Variants in TMEM163 observed in about 807,000 individuals in gnomAD.
TMEM163 encodes the protein transmembrane protein 163.
A neutral mutation model predicts 29.3 loss-of-function variants in TMEM163; 17 were observed. The ratio of observed to expected loss-of-function variants is 0.58; its 90% CI spans 0.40 to 0.87. TMEM163 has a LOEUF of 0.87. Ranked by LOEUF, TMEM163 falls within the 40% of genes least tolerant of loss-of-function variation. The pLI is 0.00. For synonymous variants in TMEM163, 157 were observed against 160.6 expected, an observed-to-expected ratio of 0.98 and a Z score of 0.17; for missense variants, 303 against 381.5, an observed-to-expected ratio of 0.79 and a Z score of 1.71.
chr2:134,700,036 A>G (rs1684663918), intron 2 of TMEM163, among the ~76,000 whole-genome samples: 1 of 151,060 alleles, frequency 6.6e-6, no homozygotes, highest in South Asian at 2.1e-4. Flanking sequence ...ATACAGCTTG[A>G]TTTTTTTTTA....
intron 4 of TMEM163, among the ~76,000 whole-genome samples, chr2:134,515,273 G>A (rs1021572115): frequency 3.9e-5 from 6 of 152,182 alleles, no homozygotes; most frequent in Non-Finnish European, 7.4e-5. Flanking sequence ...GAAGCCCCCC[G>A]TGGTCTCTGA....
At chr2:134,521,265 G>A (rs1263181274) in intron 4 of TMEM163, among the ~76,000 whole-genome samples, 2 of 152,130 alleles carry the variant, frequency 1.3e-5, no homozygotes, top group Non-Finnish European at 2.9e-5. Flanking sequence ...CCAAAGTGCT[G>A]CGATTACAGG....
chr2:134,473,762 T>C (rs770047985), intron 5 of TMEM163, among the ~76,000 whole-genome samples: 2 of 152,124 alleles, frequency 1.3e-5, no homozygotes, highest in Non-Finnish European at 2.9e-5. Context: ...TATAACCAAC[T>C]TGATGCCAAT....
chr2:134,550,476 C>T, intron 4 of TMEM163, 94 bp downstream of exon 4: 1 of 1,228,220 alleles, frequency 8.1e-7, no homozygotes. Context: ...ATCACTGGGA[C>T]AAAAGCTGCA....
intron 2 of TMEM163, among the ~76,000 whole-genome samples, chr2:134,622,908 G>A (rs899949002): frequency 2.6e-5 from 4 of 151,944 alleles, no homozygotes; most frequent in East Asian, 1.9e-4. Context: ...GATTACAGGC[G>A]TCCGCCACCA....
intron 2 of TMEM163, among the ~76,000 whole-genome samples, chr2:134,641,278 T>TAGTC (rs1683214129): frequency 6.6e-6 from 1 of 152,200 alleles, no homozygotes; most frequent in South Asian, 2.1e-4. Context: ...AATAACTGAA[T>TAGTC]AGTCGACTGT....
chr2:134,512,867 C>T (rs1417639047), intron 4 of TMEM163, among the ~76,000 whole-genome samples: 1 of 152,186 alleles, frequency 6.6e-6, no homozygotes, highest in Non-Finnish European at 1.5e-5. Context: ...TCACCAAGGG[C>T]AGAAACAGGG....
rs766288966 is a variant in TMEM163 at position 134,573,968 on chromosome 2, C to A, written c.323-21877G>T. On this transcript the variant is annotated intron_variant, in intron 2 of 7. Coordinates refer to ENST00000281924, the MANE Select transcript of TMEM163 (RefSeq NM_030923.5). ...GAACACAGCTTGCCCAGACAGCCATCAGCTATTATGTGGCCTGTGTTCCAG... is the reference window on the plus strand; with the variant it reads ...GAACACAGCTTGCCCAGACAGCCATAAGCTATTATGTGGCCTGTGTTCCAG... Among the ~76,000 whole-genome samples, 101 of 152,194 alleles carry A rather than the reference C, an allele frequency of 6.6e-4. 2 individuals are homozygous for A. The highest frequency in any genetic ancestry group is 1.6e-4 in the Non-Finnish European group (11 of 68,046).
intron 4 of TMEM163, among the ~76,000 whole-genome samples, chr2:134,522,203 G>T (rs1680204349): frequency 6.6e-6 from 1 of 152,162 alleles, no homozygotes; most frequent in African/African-American, 2.4e-5. Context: ...CAGTCACTGT[G>T]ACAGCCTTTG....
chr2:134,684,510 C>CA (rs1295359702), intron 2 of TMEM163, among the ~76,000 whole-genome samples: 1 of 152,160 alleles, frequency 6.6e-6, no homozygotes, highest in East Asian at 1.9e-4. Flanking sequence ...ACCCCATGAG[C>CA]AAGGGGCACC....
At chr2:134,624,831 C>T (rs959167969) in intron 2 of TMEM163, among the ~76,000 whole-genome samples, 3 of 151,958 alleles carry the variant, frequency 2.0e-5, no homozygotes, top group African/African-American at 7.3e-5. Context: ...ATTACTTGAA[C>T]CCAAGGAGGC....
intron 4 of TMEM163, among the ~76,000 whole-genome samples, chr2:134,516,535 T>C (rs924760452): frequency 1.3e-5 from 2 of 151,412 alleles, no homozygotes; most frequent in African/African-American, 4.9e-5. Context: ...CACTCCAGCC[T>C]GGGCAACAGA....
chr2:134,670,621 C>T (rs1211716182), intron 2 of TMEM163, among the ~76,000 whole-genome samples: 4 of 152,210 alleles, frequency 2.6e-5, no homozygotes, highest in Admixed American at 6.5e-5. Context: ...TGCTGGAATA[C>T]CATGGCTGTG....
At chr2:134,698,197 A>ACATTGCTGT (rs1465010328) in intron 2 of TMEM163, among the ~76,000 whole-genome samples, 2 of 152,314 alleles carry the variant, frequency 1.3e-5, no homozygotes, top group African/African-American at 4.8e-5. Context: ...TGACAAACAG[A>ACATTGCTGT]AGTGTCTCTT....
At chr2:134,578,078 T>C (rs1681607114) in intron 2 of TMEM163, among the ~76,000 whole-genome samples, 1 of 152,150 alleles carries the variant, frequency 6.6e-6, no homozygotes, top group Admixed American at 6.5e-5. Flanking sequence ...AAAAGAAATG[T>C]TGAACCCTTT....
At chr2:134,639,335 TA>T (rs1214991159) in intron 2 of TMEM163, among the ~76,000 whole-genome samples, 2 of 152,232 alleles carry the variant, frequency 1.3e-5, no homozygotes, top group Non-Finnish European at 2.9e-5. Flanking sequence ...AACTGATATA[TA>T]GCAAAATCTC....
At chr2:134,485,569 C>T (rs927393605) in intron 5 of TMEM163, among the ~76,000 whole-genome samples, 5 of 152,110 alleles carry the variant, frequency 3.3e-5, no homozygotes, top group East Asian at 1.9e-4. Flanking sequence ...AGCTGCTGCC[C>T]GAGGCACAAT....
chr2:134,564,616 G>A (rs1681256031), intron 2 of TMEM163, among the ~76,000 whole-genome samples: 1 of 152,102 alleles, frequency 6.6e-6, no homozygotes, highest in South Asian at 2.1e-4. Context: ...ATAACTACCA[G>A]GGGACTTATA....
intron 2 of TMEM163, among the ~76,000 whole-genome samples, chr2:134,643,547 C>T (rs1483365025): frequency 6.6e-6 from 1 of 151,700 alleles, no homozygotes; most frequent in African/African-American, 2.4e-5. Flanking sequence ...AACTACAGAT[C>T]AATATTCTTC....
Sources: allele counts gnomAD v4.1 joint callset (sites outside exome capture counted in the v4.1 genomes callset), GRCh38; gene constraint gnomAD v4.1.1; transcripts MANE v1.5; gene names NCBI Gene and HGNC (gene_info 2026-07-23, HGNC 2026-07-21).